The following ARFGEF2 variants were observed in gnomAD, a reference collection of about 807,000 sequenced individuals.
ARFGEF2 encodes the protein ARF guanine nucleotide exchange factor 2.
ARFGEF2 carries 74 observed loss-of-function variants against 219.9 expected under a neutral mutation model. That is an observed-to-expected ratio of 0.34 (90% CI 0.28 to 0.41). The LOEUF (loss-of-function observed/expected upper bound fraction) is 0.41, where lower values mean the gene tolerates loss of function less well. ARFGEF2 is among the 10% of genes least tolerant of loss of function. The pLI is 1.00. For synonymous variants in ARFGEF2, 733 were observed against 799.2 expected (o/e 0.92, Z 1.40); for missense variants, 1,743 against 2,218.3 (o/e 0.79, Z 4.30).
intron 22 of ARFGEF2, 95 bp downstream of exon 22, chr20:48,994,693 C>G (rs1268483292): frequency 6.5e-7 from 1 of 1,545,246 alleles, no homozygotes; most frequent in African/African-American, 1.4e-5. Flanking sequence ...TGTAAACCGT[C>G]TCTTCCTTTT....
chr20:48,963,330 CAT>C (rs1410554058), intron 6 of ARFGEF2, among the ~76,000 whole-genome samples: 3 of 152,062 alleles, frequency 2.0e-5, no homozygotes, highest in Non-Finnish European at 4.4e-5. Flanking sequence ...AGAATAATTT[CAT>C]AAAAGTTTAG....
chr20:48,984,463 T>C (rs1320715040), intron 14 of ARFGEF2, among the ~76,000 whole-genome samples: 1 of 152,190 alleles, frequency 6.6e-6, no homozygotes, highest in Admixed American at 6.5e-5. Context: ...CACATGGCAG[T>C]GTGTCCAGCT....
intron 6 of ARFGEF2, among the ~76,000 whole-genome samples, chr20:48,958,260 T>C (rs547820345): frequency 6.6e-6 from 1 of 152,238 alleles, no homozygotes; most frequent in African/African-American, 2.4e-5. Flanking sequence ...TGTGTATCAT[T>C]CTCACAGGGC....
chr20:49,035,911 C>G lies in ARFGEF2; in HGVS notation c.*2712C>G, dbSNP rs1308109892. 1 of 351,244 alleles carries G rather than the reference C, an allele frequency of 2.8e-6. No individual in the cohort carries two copies. Among genetic ancestry groups the G allele is most frequent in the East Asian group, 4.1e-5 (1 of 24,292 alleles). The allele number at this position is 351,244 out of a possible 1,614,324, so 21.8% of individuals were successfully genotyped here. ...TTTCCCTGTACTCCTCATGTACAAC[C>G]AAAGAACATACATTATGAAAATTGT... On this transcript the variant is annotated 3_prime_UTR_variant, in exon 39 of 39. Coordinates refer to ENST00000371917, the MANE Select transcript of ARFGEF2 (RefSeq NM_006420.3).
intron 6 of ARFGEF2, among the ~76,000 whole-genome samples, chr20:48,954,969 C>T (rs778581722): frequency 6.6e-6 from 1 of 152,200 alleles, no homozygotes; most frequent in South Asian, 2.1e-4. Flanking sequence ...TTTAAATACA[C>T]TGTAATAAGC....
At chr20:49,004,530 G>A (rs944804729) in intron 25 of ARFGEF2, among the ~76,000 whole-genome samples, 1 of 151,820 alleles carries the variant, frequency 6.6e-6, no homozygotes, top group Non-Finnish European at 1.5e-5. Flanking sequence ...GGTTGGGCGC[G>A]GTGGCTCACC....
chr20:49,032,246 C>G (rs1049744994), intron 38 of ARFGEF2, 80 bp downstream of exon 38: 1 of 991,542 alleles, frequency 1.0e-6, no homozygotes, highest in Non-Finnish European at 1.6e-6. Context: ...TTTGCAGTAA[C>G]TATTTTCTCA....
intron 3 of ARFGEF2, among the ~76,000 whole-genome samples, chr20:48,949,947 A>G (rs547138415): frequency 1.3e-5 from 2 of 152,338 alleles, no homozygotes; most frequent in East Asian, 3.9e-4. Flanking sequence ...TATAACGTGG[A>G]TAGCTTGGAG....
chr20:48,967,937 G>T (rs2091198751), intron 8 of ARFGEF2, among the ~76,000 whole-genome samples: 1 of 152,090 alleles, frequency 6.6e-6, no homozygotes, highest in South Asian at 2.1e-4. Context: ...TTTCCTTAAT[G>T]AATTATGAGA....
At chr20:48,968,784 C>T (rs923182603) in intron 8 of ARFGEF2, among the ~76,000 whole-genome samples, 2 of 152,198 alleles carry the variant, frequency 1.3e-5, no homozygotes, top group Non-Finnish European at 2.9e-5. Context: ...CCCATACCAA[C>T]TCTGAAGAAC....
Position 49,011,989 on chromosome 20 carries a change from T to TG in ARFGEF2, c.3823_3824insG (p.Ser1275CysfsTer11). On this transcript the variant is annotated frameshift_variant, in exon 28 of 39. Transcript: ENST00000371917. LOFTEE classifies it high-confidence loss of function. ...CTTTCAGGATGCTGTGAAGTGCTTATCAGAGTTCGCCTGCAACGCCGCTTT... is the reference window on the plus strand; with the variant it reads ...CTTTCAGGATGCTGTGAAGTGCTTATGCAGAGTTCGCCTGCAACGCCGCTTT... The TG allele has an allele frequency of 6.2e-7, 1 of 1,614,240 alleles. No homozygotes were observed. The highest frequency in any genetic ancestry group is 1.7e-5 in the Admixed American group (1 of 60,028).
intron 3 of ARFGEF2, among the ~76,000 whole-genome samples, chr20:48,945,164 G>A (rs2091018011): frequency 6.6e-6 from 1 of 152,046 alleles, no homozygotes; most frequent in African/African-American, 2.4e-5. Context: ...ATTTCTCAAA[G>A]GCCCAGCCTC....
At chr20:48,984,479 G>A (rs565029821) in intron 14 of ARFGEF2, among the ~76,000 whole-genome samples, 7 of 152,144 alleles carry the variant, frequency 4.6e-5, no homozygotes, top group Non-Finnish European at 7.3e-5. Context: ...CAGCTAACAC[G>A]TAGGGTTCTA....
Position 48,972,934 on chromosome 20 carries a change from T to C in ARFGEF2, c.1526-211T>C, listed in dbSNP as rs1452061390. On this transcript the variant is annotated intron_variant, in intron 11 of 38. Coordinates refer to ENST00000371917, the MANE Select transcript of ARFGEF2 (RefSeq NM_006420.3). ...TGAGGCTTGGATGGGTGGAATGAACTGCCTGAGATTTCAATTTGCTCAGAA... is the reference window on the plus strand; with the variant it reads ...TGAGGCTTGGATGGGTGGAATGAACCGCCTGAGATTTCAATTTGCTCAGAA... Among the ~76,000 whole-genome samples the C allele has an allele frequency of 2.6e-5, 4 of 152,324 alleles. No individual in the cohort carries two copies. The South Asian group carries it at 6.2e-4, about 24-fold the overall frequency.
chr20:48,988,222 C>A, intron 16 of ARFGEF2, 82 bp from the exon 17 acceptor site: 1 of 1,035,328 alleles, frequency 9.7e-7, no homozygotes. Context: ...GGCTGCTTTT[C>A]TCGTGAAGTG....
intron 25 of ARFGEF2, 103 bp downstream of exon 25, chr20:48,998,608 G>A: frequency 2.5e-6 from 3 of 1,195,978 alleles, no homozygotes; most frequent in East Asian, 2.5e-5. Context: ...TTTTTTAGAT[G>A]CCTCTAATTC....
rs546109288 is a variant in ARFGEF2, at chr20:48,938,203, T to C, written c.122-2996T>C. ...AACTTCAGTCCTCTGGCTCCTTAGT[T>C]CTTTGTTCTTTGGCTGGACAACATT... On this transcript the variant is annotated intron_variant, in intron 1 of 38. Transcript: ENST00000371917. 4.6e-5 allele frequency among the ~76,000 whole-genome samples: 7 copies of C among 152,298 alleles called. No individual in the cohort carries two copies. The South Asian group carries it at 6.2e-4, about 14-fold the overall frequency.
chr20:48,963,993 C>T (rs1681681494), intron 7 of ARFGEF2, 95 bp downstream of exon 7: 6 of 1,116,566 alleles, frequency 5.4e-6, no homozygotes, highest in Non-Finnish European at 8.0e-6. Flanking sequence ...CTCTTCCCTG[C>T]CCTAAGAACT....
chr20:48,997,692 G>A (rs1360602880), intron 23 of ARFGEF2, among the ~76,000 whole-genome samples: 1 of 152,142 alleles, frequency 6.6e-6, no homozygotes, highest in Non-Finnish European at 1.5e-5. Context: ...TATTTCGGTG[G>A]AGGTGTCAGA....
Sources: gnomAD v4.1 joint callset for allele counts (sites outside exome capture counted in the v4.1 genomes callset) on GRCh38, gnomAD v4.1.1 for gene constraint, MANE v1.5 for transcripts, NCBI Gene and HGNC (gene_info 2026-07-23, HGNC 2026-07-21) for gene names.